The following EPSTI1 variants were observed in gnomAD, a reference collection of about 807,000 sequenced individuals.
EPSTI1 encodes epithelial stromal interaction 1.
In EPSTI1, 66 loss-of-function variants were observed where a neutral mutation model predicts 49.9. That is an observed-to-expected ratio of 1.32 (90% confidence interval 1.08 to 1.62). The LOEUF (loss-of-function observed/expected upper bound fraction) is 1.62. Among genes scored for constraint, EPSTI1 ranks in the 40% most tolerant of loss-of-function variants. The pLI, the probability that EPSTI1 is intolerant of heterozygous loss-of-function variation, is 0.00. For missense variants in EPSTI1, 394 were observed against 365.5 expected, an observed-to-expected ratio of 1.08 and a Z score of -0.64; for synonymous variants, 137 against 130.7, an observed-to-expected ratio of 1.05 and a Z score of -0.33.
intron 5 of EPSTI1, among the ~76,000 whole-genome samples, chr13:42,957,875 T>G (rs1383174181): frequency 1.3e-5 from 2 of 152,210 alleles, no homozygotes; most frequent in Non-Finnish European, 2.9e-5. Flanking sequence ...TACCCAGCCT[T>G]AATATTTAAT....
chr13:42,968,022 G>A (rs2039666653), intron 3 of EPSTI1, among the ~76,000 whole-genome samples: 1 of 152,170 alleles, frequency 6.6e-6, no homozygotes, highest in African/African-American at 2.4e-5. Context: ...ACTGAAATGA[G>A]ACTGTTTTAG....
intron 10 of EPSTI1, chr13:42,889,391 C>T: frequency 3.8e-6 from 2 of 529,924 alleles, no homozygotes; most frequent in Non-Finnish European, 6.4e-6. Context: ...TTATTGGGGG[C>T]CTACTGCTTA....
intron 7 of EPSTI1, among the ~76,000 whole-genome samples, chr13:42,923,640 C>T (rs1356139965): frequency 1.3e-5 from 2 of 152,212 alleles, no homozygotes; most frequent in African/African-American, 4.8e-5. Flanking sequence ...AAATATGCAG[C>T]GATGGTCGCT....
intron 6 of EPSTI1, among the ~76,000 whole-genome samples, chr13:42,926,701 C>G (rs1400813832): frequency 1.3e-5 from 2 of 152,158 alleles, no homozygotes; most frequent in African/African-American, 4.8e-5. Flanking sequence ...ATATTACTGA[C>G]ATAAATACAA....
intron 1 of EPSTI1, among the ~76,000 whole-genome samples, chr13:42,978,820 C>T (rs777775473): frequency 6.6e-6 from 1 of 152,084 alleles, no homozygotes; most frequent in Non-Finnish European, 1.5e-5. Flanking sequence ...AACAACTTAG[C>T]CCTGAATCAC....
At chr13:42,935,898 T>G (rs888173003) in intron 6 of EPSTI1, among the ~76,000 whole-genome samples, 3 of 152,122 alleles carry the variant, frequency 2.0e-5, no homozygotes, top group Non-Finnish European at 4.4e-5. Flanking sequence ...GGCCCACTCA[T>G]GAATTCTTCT....
At position 42,888,365 on chromosome 13, in the gene EPSTI1, C is replaced by A. The variant is rs763326690; in HGVS notation, c.*129G>T. ...GAGAAGCCAGTCACTCCTGACTGCA[C>A]GGTCAAGTGTGTGGGCAGTTGAAAT... On this transcript the variant is annotated 3_prime_UTR_variant, in exon 11 of 11. Transcript: ENST00000313624. The A allele has an allele frequency of 1.2e-6, 2 of 1,614,080 alleles. No homozygotes were observed. Among genetic ancestry groups the A allele is most frequent in the East Asian group, 2.2e-5 (1 of 44,866 alleles).
At chr13:42,941,981 C>T (rs926511224) in intron 6 of EPSTI1, among the ~76,000 whole-genome samples, 3 of 152,100 alleles carry the variant, frequency 2.0e-5, no homozygotes, top group African/African-American at 7.2e-5. Context: ...GAAAATTTGG[C>T]AAATCCATAG....
chr13:42,924,473 T>C (rs1182450649), intron 7 of EPSTI1, among the ~76,000 whole-genome samples: 2 of 152,200 alleles, frequency 1.3e-5, no homozygotes, highest in Non-Finnish European at 2.9e-5. Context: ...GCACACGCAG[T>C]TCTGCCAGGT....
rs959736826 is a variant in EPSTI1 at position 42,944,506 on chromosome 13, C to T, written c.563+9442G>A. 3.3e-5 allele frequency among the ~76,000 whole-genome samples: 5 copies of T among 152,004 alleles called. No individual in the cohort carries two copies. The South Asian group carries it at 1.0e-3, about 32-fold the overall frequency. On this transcript the variant is annotated intron_variant, in intron 6 of 10. Transcript: ENST00000313624. ...GACACAGGGAGGGGAACATCACACA[C>T]CAGGGCCTGTAATGGGGTGGGGGGC...
chr13:42,955,245 T>C (rs2039222649), intron 5 of EPSTI1, among the ~76,000 whole-genome samples: 1 of 152,152 alleles, frequency 6.6e-6, no homozygotes, highest in Non-Finnish European at 1.5e-5. Context: ...TGTTCAATTG[T>C]GATGAGTTCC....
At chr13:42,946,744 A>G (rs764145430) in intron 6 of EPSTI1, among the ~76,000 whole-genome samples, 2 of 152,108 alleles carry the variant, frequency 1.3e-5, no homozygotes, top group Non-Finnish European at 2.9e-5. Flanking sequence ...CACCACCCCT[A>G]TGTATTTTGA....
chr13:42,917,034 C>G lies in EPSTI1; in HGVS notation c.741+507G>C, dbSNP rs1056424260. ...GCTCTGCATTCACTTCACTGATTTCCATTGCTCAAAACATATGGAATGCCT... is the reference window on the plus strand; with the variant it reads ...GCTCTGCATTCACTTCACTGATTTCGATTGCTCAAAACATATGGAATGCCT... On this transcript the variant is annotated intron_variant, in intron 8 of 10. Coordinates refer to ENST00000313624, the MANE Select transcript of EPSTI1 (RefSeq NM_033255.5). 5.9e-5 allele frequency among the ~76,000 whole-genome samples: 9 copies of G among 152,160 alleles called. No individual in the cohort carries two copies. In the East Asian group the frequency reaches 1.7e-3, roughly 29 times the overall value.
chr13:42,914,834 G>T (rs909298578), intron 8 of EPSTI1, among the ~76,000 whole-genome samples: 32 of 152,132 alleles, frequency 2.1e-4, no homozygotes, highest in African/African-American at 7.5e-4. Flanking sequence ...AAAAAAGGAA[G>T]CATCCAATGG....
chr13:42,954,099 C>A, intron 5 of EPSTI1, 78 bp from the exon 6 acceptor site: 1 of 1,263,146 alleles, frequency 7.9e-7, no homozygotes, highest in Non-Finnish European at 1.1e-6. Flanking sequence ...ACCCAAGGTC[C>A]AAAATCCTAA....
chr13:42,925,394 T>G (rs2038139519), intron 7 of EPSTI1, among the ~76,000 whole-genome samples: 3 of 152,200 alleles, frequency 2.0e-5, no homozygotes, highest in Admixed American at 6.5e-5. Context: ...AGGAGCACCA[T>G]GAGCACGCAG....
chr13:42,979,915 C>T (rs1473449229), intron 1 of EPSTI1, among the ~76,000 whole-genome samples: 4 of 152,012 alleles, frequency 2.6e-5, no homozygotes, highest in African/African-American at 9.7e-5. Flanking sequence ...TTCTTCCCTA[C>T]CTTTACCTCA....
chr13:42,898,696 C>G (rs1047413077), intron 9 of EPSTI1, among the ~76,000 whole-genome samples: 1 of 152,152 alleles, frequency 6.6e-6, no homozygotes, highest in Non-Finnish European at 1.5e-5. Context: ...TTTTCCACCT[C>G]TAATCAAATA....
rs1418875215 is a variant in EPSTI1 at position 42,966,781 on chromosome 13, C to T, written c.331+2313G>A. On this transcript the variant is annotated intron_variant, in intron 3 of 10. Transcript: ENST00000313624. ...CCACCACCCCGTCTGGGAGGTGTGCCCAACAGCTCATTGAGAACGGGCCAG... is the reference window on the plus strand; with the variant it reads ...CCACCACCCCGTCTGGGAGGTGTGCTCAACAGCTCATTGAGAACGGGCCAG... Among the ~76,000 whole-genome samples, 32 of 88,824 alleles carry T rather than the reference C, an allele frequency of 3.6e-4. 11 individuals carry two copies. Among genetic ancestry groups the T allele is most frequent in the Non-Finnish European group, 7.4e-4 (29 of 39,028 alleles). 58.3% of individuals were successfully genotyped at this position (88,824 alleles called of 152,430 possible).
Sources: gnomAD v4.1 joint callset for allele counts (sites outside exome capture counted in the v4.1 genomes callset) on GRCh38, gnomAD v4.1.1 for gene constraint, MANE v1.5 for transcripts, NCBI Gene and HGNC (gene_info 2026-07-23, HGNC 2026-07-21) for gene names.